PRIM2: variants seen among roughly 807,000 people sequenced by gnomAD.
PRIM2 encodes the protein DNA primase large subunit.
PRIM2 carries 39 observed loss-of-function variants against 67.3 expected under a neutral mutation model. The observed-to-expected ratio is 0.58, with a 90% CI of 0.45 to 0.76. The LOEUF is 0.76. Ranked by LOEUF, PRIM2 falls within the 30% of genes least tolerant of loss-of-function variation. PRIM2 has a pLI of 0.00. For missense variants in PRIM2, 398 were observed against 598.7 expected (o/e 0.66, Z 3.50); for synonymous variants, 143 against 198.7 (o/e 0.72, Z 2.36).
chr6:57,638,575 G>GAAA (rs1777164425), intron 13 of PRIM2, among the ~76,000 whole-genome samples: 1 of 12,120 alleles, frequency 8.3e-5, no homozygotes, highest in African/African-American at 4.2e-4. Flanking sequence ...CAAACAGAAA[G>GAAA]CAAAAAAAAA....
At chr6:57,383,115 T>G in intron 7 of PRIM2, 1 of 152,166 alleles carries the variant, frequency 6.6e-6, no homozygotes, top group Non-Finnish European at 1.5e-5. Flanking sequence ...TTCTTTATCC[T>G]CATGAAAGTT....
intron 7 of PRIM2, among the ~76,000 whole-genome samples, chr6:57,460,138 CAT>C (rs1302155133): frequency 6.6e-6 from 1 of 151,258 alleles, no homozygotes. Flanking sequence ...TTGCGGTCTC[CAT>C]ACAGACCAGG....
chr6:57,597,654 A>G (rs1212701509), intron 10 of PRIM2, among the ~76,000 whole-genome samples: 9 of 152,158 alleles, frequency 5.9e-5, no homozygotes, highest in Non-Finnish European at 1.2e-4. Context: ...TCCTTTATAA[A>G]TGGACAAGCT....
intron 12 of PRIM2, among the ~76,000 whole-genome samples, chr6:57,615,280 G>T (rs1417516588): frequency 2.0e-5 from 3 of 151,942 alleles, no homozygotes; most frequent in Non-Finnish European, 4.4e-5. Flanking sequence ...TTAGCCAGGC[G>T]TCGAGGCATG....
intron 7 of PRIM2, among the ~76,000 whole-genome samples, chr6:57,488,433 C>T (rs1773802780): frequency 6.6e-6 from 1 of 152,186 alleles, no homozygotes; most frequent in East Asian, 1.9e-4. Flanking sequence ...AGTCTATACA[C>T]CAGGGTTTCA....
chr6:57,467,928 T>G (rs1302950151), intron 7 of PRIM2, among the ~76,000 whole-genome samples: 35 of 152,294 alleles, frequency 2.3e-4, no homozygotes, highest in African/African-American at 7.7e-4. Context: ...TGGCTGTTTG[T>G]CTGTTATTGG....
At chr6:57,645,273 T>C in intron 13 of PRIM2, among the ~76,000 whole-genome samples, 1 of 147,976 alleles carries the variant, frequency 6.8e-6, no homozygotes, top group Non-Finnish European at 1.5e-5. Context: ...GATACAATAA[T>C]GAATCACACA....
intron 13 of PRIM2, among the ~76,000 whole-genome samples, chr6:57,645,325 A>T (rs1388295848): frequency 1.7e-3 from 45 of 26,462 alleles, no homozygotes; most frequent in African/African-American, 0.014. Flanking sequence ...TGTCATTCAC[A>T]CACACACACA....
At chr6:57,529,341 G>C (rs1335905226) in intron 8 of PRIM2, among the ~76,000 whole-genome samples, 1 of 151,756 alleles carries the variant, frequency 6.6e-6, no homozygotes, top group Non-Finnish European at 1.5e-5. Flanking sequence ...AACCAAGAAC[G>C]TGTCTTCATA....
chr6:57,339,279 C>T (rs1250311457), intron 5 of PRIM2, among the ~76,000 whole-genome samples: 3 of 152,136 alleles, frequency 2.0e-5, no homozygotes, highest in South Asian at 2.1e-4. Flanking sequence ...GGCCATACTG[C>T]CCAAGGTAAT....
At chr6:57,619,689 G>A (rs1415906136) in intron 12 of PRIM2, among the ~76,000 whole-genome samples, 93 of 152,212 alleles carry the variant, frequency 6.1e-4, no homozygotes, top group African/African-American at 2.1e-3. Context: ...AAGACAAGGT[G>A]TTCGAATTAA....
chr6:57,556,261 A>G (rs1775511490), intron 10 of PRIM2, among the ~76,000 whole-genome samples: 1 of 152,196 alleles, frequency 6.6e-6, no homozygotes, highest in African/African-American at 2.4e-5. Flanking sequence ...TCCAACTACC[A>G]ATGACATTCT....
intron 7 of PRIM2, among the ~76,000 whole-genome samples, chr6:57,410,955 C>A (rs1244061585): frequency 3.4e-4 from 52 of 151,432 alleles, no homozygotes; most frequent in Non-Finnish European, 1.3e-4. Context: ...TGTGATATAG[C>A]TTGGATATTT....
the PRIM2 span, among the ~76,000 whole-genome samples, chr6:57,274,943 A>AT: frequency 0.066 from 9,110 of 137,320 alleles, 396 homozygotes; most frequent in Non-Finnish European, 0.1. Flanking sequence ...CACCTGGCTA[A>AT]TTTTTTTTTT....
At position 57,569,692 on chromosome 6, in the gene PRIM2, A is replaced by G. The variant is rs1315293845; in HGVS notation, c.1021-31401A>G. 3.3e-5 allele frequency among the ~76,000 whole-genome samples: 5 copies of G among 152,270 alleles called. No homozygotes were observed. In the East Asian group the frequency reaches 7.7e-4, roughly 23 times the overall value. ...ATATATTGAGGTTTATAATCTGCCT[A>G]TGAATTCTAAGGTGAATTCATCAAC... On this transcript the variant is annotated intron_variant, in intron 10 of 13. Coordinates refer to ENST00000615550, the MANE Select transcript of PRIM2 (RefSeq NM_000947.5).
At chr6:57,643,042 A>C (rs1185234887) in intron 13 of PRIM2, among the ~76,000 whole-genome samples, 3 of 151,974 alleles carry the variant, frequency 2.0e-5, no homozygotes, top group South Asian at 2.1e-4. Flanking sequence ...AATTTTTTTT[A>C]ACATTCATTT....
At chr6:57,430,741 G>A (rs1771799124) in intron 7 of PRIM2, among the ~76,000 whole-genome samples, 2 of 152,250 alleles carry the variant, frequency 1.3e-5, no homozygotes, top group South Asian at 2.1e-4. Context: ...GATTACAGGT[G>A]TCAGTCACTG....
intron 10 of PRIM2, among the ~76,000 whole-genome samples, chr6:57,545,529 C>T (rs1775271879): frequency 6.6e-6 from 1 of 152,148 alleles, no homozygotes; most frequent in African/African-American, 2.4e-5. Context: ...CTCCTGGGTT[C>T]AAGCTATTCT....
chr6:57,633,184 C>T (rs1169832811), intron 13 of PRIM2, among the ~76,000 whole-genome samples: 1 of 152,218 alleles, frequency 6.6e-6, no homozygotes, highest in African/African-American at 2.4e-5. Flanking sequence ...CAAAACACAT[C>T]TCCAAGTCCA....
Sources: allele counts gnomAD v4.1 joint callset (sites outside exome capture counted in the v4.1 genomes callset), GRCh38; gene constraint gnomAD v4.1.1; transcripts MANE v1.5; gene names NCBI Gene and HGNC (gene_info 2026-07-23, HGNC 2026-07-21).